Variants in ELP4 observed in about 807,000 individuals in gnomAD.
ELP4 encodes elongator complex protein 4.
A neutral mutation model predicts 48.9 loss-of-function variants in ELP4; 51 were observed. That is an observed-to-expected ratio of 1.04 (90% CI 0.83 to 1.32). ELP4 has a LOEUF of 1.32. ELP4 is among the 40% of genes most tolerant of loss of function. The pLI is 0.00. For missense variants in ELP4, 519 were observed against 514.6 expected (o/e 1.01, Z -0.08); for synonymous variants, 210 against 189.2 (o/e 1.11, Z -0.90).
chr11:31,607,660 C>T (rs537510288), intron 5 of ELP4, among the ~76,000 whole-genome samples: 46 of 152,232 alleles, frequency 3.0e-4, no homozygotes, highest in African/African-American at 9.9e-4. Context: ...ACTGATCTGA[C>T]GATGTTAGTT....
chr11:31,537,814 A>G (rs1956525834), intron 2 of ELP4, among the ~76,000 whole-genome samples: 1 of 152,162 alleles, frequency 6.6e-6, no homozygotes, highest in South Asian at 2.1e-4. Flanking sequence ...ATTTGACATG[A>G]GATTTGGGCA....
At chr11:31,521,075 G>T (rs986140291) in intron 2 of ELP4, among the ~76,000 whole-genome samples, 2 of 151,974 alleles carry the variant, frequency 1.3e-5, no homozygotes, top group Admixed American at 1.3e-4. Context: ...AAAGTATTTT[G>T]GAAGAATTTT....
chr11:31,543,184 C>G (rs1379013168), intron 3 of ELP4, among the ~76,000 whole-genome samples: 1 of 152,030 alleles, frequency 6.6e-6, no homozygotes, highest in African/African-American at 2.4e-5. Context: ...TGATTGGACT[C>G]TGTGAAGGGA....
At chr11:31,774,637 A>G (rs1948209241) in intron 9 of ELP4, among the ~76,000 whole-genome samples, 1 of 152,244 alleles carries the variant, frequency 6.6e-6, no homozygotes, top group African/African-American at 2.4e-5. Flanking sequence ...GCCTCTGATT[A>G]GGAGGGAGGA....
At chr11:31,783,346 T>TTTTCTTC (rs780587459) in intron 9 of ELP4, 47 bp from the exon 10 acceptor site, 2 of 1,581,862 alleles carry the variant, frequency 1.3e-6, no homozygotes, top group Admixed American at 1.8e-5. Flanking sequence ...AATTAATTTT[T>TTTTCTTC]TTTCTTCTTT....
intron 9 of ELP4, chr11:31,654,826 G>A (rs762047109): frequency 2.0e-5 from 3 of 151,774 alleles, no homozygotes; most frequent in Non-Finnish European, 2.9e-5. Context: ...CTAGAGATGG[G>A]AGCAGGATGG....
chr11:31,563,437 G>A (rs919641636), intron 3 of ELP4, among the ~76,000 whole-genome samples: 1 of 152,012 alleles, frequency 6.6e-6, no homozygotes, highest in Non-Finnish European at 1.5e-5. Context: ...AAATAATATA[G>A]CAGTAAGAAC....
chr11:31,587,981 C>T (rs1223005853), intron 3 of ELP4, among the ~76,000 whole-genome samples: 1 of 151,978 alleles, frequency 6.6e-6, no homozygotes, highest in Non-Finnish European at 1.5e-5. Context: ...ATTTTCCTTC[C>T]TATTCTTCAA....
At chr11:31,565,395 A>G (rs1478970154) in intron 3 of ELP4, among the ~76,000 whole-genome samples, 1 of 148,270 alleles carries the variant, frequency 6.7e-6, no homozygotes, top group Admixed American at 6.7e-5. Context: ...CCATTTGTCA[A>G]TTTTGGCTTT....
chr11:31,732,480 AAAAT>A (rs1947213821), intron 9 of ELP4, among the ~76,000 whole-genome samples: 1 of 151,722 alleles, frequency 6.6e-6, no homozygotes, highest in South Asian at 2.1e-4. Context: ...AAAAAAAAAA[AAAAT>A]AAATGAAAAC....
chr11:31,672,036 G>T (rs948563283), intron 9 of ELP4, among the ~76,000 whole-genome samples: 1 of 151,888 alleles, frequency 6.6e-6, no homozygotes, highest in Non-Finnish European at 1.5e-5. Flanking sequence ...TTTCTGGGGG[G>T]AGCTTAGAAG....
At chr11:31,534,079 G>T (rs1043744452) in intron 2 of ELP4, among the ~76,000 whole-genome samples, 1 of 151,936 alleles carries the variant, frequency 6.6e-6, no homozygotes, top group Admixed American at 6.6e-5. Context: ...CTCGTGATCC[G>T]CCCGCCTCGG....
At chr11:31,623,254 A>G (rs1944659109) in intron 5 of ELP4, among the ~76,000 whole-genome samples, 1 of 149,644 alleles carries the variant, frequency 6.7e-6, no homozygotes, top group Non-Finnish European at 1.5e-5. Flanking sequence ...CAGTGCCTAC[A>G]CTACTAAACA....
chr11:31,595,153 A>T lies in ELP4; in HGVS notation c.513+252A>T, dbSNP rs910871031. On this transcript the variant is annotated intron_variant, in intron 4 of 9. Coordinates refer to ENST00000640961, the MANE Select transcript of ELP4 (RefSeq NM_019040.5). ...GCTTTATTCTAGAGTTGCAAGACAG[A>T]GTAAGTGAACTAATGAAGCCATTTC... 5.3e-5 allele frequency among the ~76,000 whole-genome samples: 8 copies of T among 152,170 alleles called. No individual in the cohort carries two copies. The South Asian group carries it at 6.2e-4, about 12-fold the overall frequency.
intron 9 of ELP4, among the ~76,000 whole-genome samples, chr11:31,746,614 C>G (rs1947598139): frequency 6.6e-6 from 1 of 152,112 alleles, no homozygotes; most frequent in Non-Finnish European, 1.5e-5. Flanking sequence ...TGGATACCAT[C>G]ATTCTTGGCA....
chr11:31,666,490 G>C (rs545056121), intron 9 of ELP4, among the ~76,000 whole-genome samples: 1 of 151,928 alleles, frequency 6.6e-6, no homozygotes, highest in East Asian at 1.9e-4. Context: ...TCAGGAGATC[G>C]AGACGATTCT....
intron 7 of ELP4, among the ~76,000 whole-genome samples, chr11:31,635,714 A>T (rs1302146399): frequency 6.6e-6 from 1 of 152,072 alleles, no homozygotes; most frequent in African/African-American, 2.4e-5. Context: ...GCTGGCACAT[A>T]GTAGGCATTC....
chr11:31,782,823 C>T (rs1450612700), intron 9 of ELP4, among the ~76,000 whole-genome samples: 1 of 152,106 alleles, frequency 6.6e-6, no homozygotes, highest in Non-Finnish European at 1.5e-5. Context: ...ATTGACCCTC[C>T]GGTTGGTATC....
In ELP4 at chr11:31,514,317, A is replaced by C. The variant is rs186158986; in HGVS notation, c.223+4310A>C. On this transcript the variant is annotated intron_variant, in intron 1 of 9. Transcript: ENST00000640961. The stretch of plus-strand genomic sequence containing the variant: ...CTTCAGAAAATACAAAAATCACCCA[A>C]GCTTGGTGGTGCACACCTGTAGTCC... 9.9e-4 allele frequency among the ~76,000 whole-genome samples: 150 copies of C among 152,172 alleles called. 1 individual carries two copies. Among genetic ancestry groups the C allele is most frequent in the African/African-American group, 3.5e-3 (144 of 41,524 alleles).
Sources: gnomAD v4.1 joint callset for allele counts (sites outside exome capture counted in the v4.1 genomes callset) on GRCh38, gnomAD v4.1.1 for gene constraint, MANE v1.5 for transcripts, NCBI Gene and HGNC (gene_info 2026-07-23, HGNC 2026-07-21) for gene names.